Variants in XIRP1 observed in about 807,000 individuals in gnomAD.
XIRP1 encodes xin actin binding repeat containing 1.
For synonymous variants in XIRP1, 984 were observed against 947.0 expected (o/e 1.04, Z -0.72); for missense variants, 2,378 against 2,345.4 (o/e 1.01, Z -0.29).
chr3:39,187,701 T>C lies in XIRP1; in HGVS notation c.1745A>G (p.Gln582Arg), dbSNP rs764664756. 104 of 1,613,946 alleles carry C rather than the reference T, an allele frequency of 6.4e-5. No homozygotes were observed. Among genetic ancestry groups the C allele is most frequent in the Non-Finnish European group, 8.4e-5 (99 of 1,180,044 alleles). Residue 582 changes from glutamine (Q) to arginine (R), a missense_variant, in exon 2 of 2, where the codon CAG becomes CGG. By Grantham distance (43) the Gln-to-Arg change is conservative (BLOSUM62 1). Coordinates refer to ENST00000340369, the MANE Select transcript of XIRP1 (RefSeq NM_194293.4). ...ATCGCCCTTTGGGGGTGCCTCAGGC[T>C]GGGGGTCTCCCTGACTCTTCCCTTC... ...KEEGKSQGDPQPEAPPKGDVQ... is the reference protein window; with the variant it reads ...KEEGKSQGDPRPEAPPKGDVQ...
intron 1 of XIRP1, among the ~76,000 whole-genome samples, chr3:39,190,151 G>A (rs1327406801): frequency 6.6e-6 from 1 of 152,224 alleles, no homozygotes; most frequent in African/African-American, 2.4e-5. Context: ...GATATCTCGT[G>A]CTTAGGCCAG....
In XIRP1 at chr3:39,188,966, A is replaced by G; in HGVS notation, c.480T>C (p.Phe160=). 3 of 1,613,672 alleles carry G rather than the reference A, an allele frequency of 1.9e-6. No homozygotes were observed. Among genetic ancestry groups the G allele is most frequent in the Non-Finnish European group, 2.5e-6 (3 of 1,179,990 alleles). The part of the protein sequence containing the change: ...GGDVRAARWL[F]ETKPLDELTG... Reference sequence around the variant, plus strand: ...TCAGCTCGTCCAGTGGCTTTGTCTCAAATAGCCAGCGGGCTGCACGAACGT... The same window carrying G: ...TCAGCTCGTCCAGTGGCTTTGTCTCGAATAGCCAGCGGGCTGCACGAACGT... The change falls in exon 2 of 2, where the codon TTT becomes TTC. Residue 160 remains phenylalanine, a synonymous_variant. Coordinates refer to ENST00000340369, the MANE Select transcript of XIRP1 (RefSeq NM_194293.4).
At chr3:39,190,643 A>T (rs1258672357) in intron 1 of XIRP1, among the ~76,000 whole-genome samples, 1 of 151,656 alleles carries the variant, frequency 6.6e-6, no homozygotes, top group Non-Finnish European at 1.5e-5. Context: ...CTCCCCGGCT[A>T]CACCCCCGCC....
chr3:39,190,503 A>C (rs934152247), intron 1 of XIRP1, among the ~76,000 whole-genome samples: 4 of 152,082 alleles, frequency 2.6e-5, no homozygotes, highest in Non-Finnish European at 5.9e-5. Context: ...CTTTCTGCAG[A>C]GACAGCCCTG....
rs1259822665 is a variant in XIRP1, at chr3:39,186,512, G to A, written c.2934C>T (p.Pro978=). ...ESIIHVPPLD[P]SMGMGHLRAS... ...CTCTCAGATGCCCCATCCCCATGCTGGGGTCCAGTGGGGGAACATGGATGA... is the reference window on the plus strand; with the variant it reads ...CTCTCAGATGCCCCATCCCCATGCTAGGGTCCAGTGGGGGAACATGGATGA... The change falls in exon 2 of 2, where the codon CCC becomes CCT. Residue 978 remains proline (P), a synonymous_variant. Transcript: ENST00000340369. 6.2e-7 allele frequency: 1 copy of A among 1,613,048 alleles called. No homozygotes were observed. Among genetic ancestry groups the A allele is most frequent in the Admixed American group, 1.7e-5 (1 of 59,972 alleles).
Position 39,186,131 on chromosome 3 carries a change from A to C in XIRP1, c.3315T>G (p.Pro1105=). Residue 1105 remains proline (P), a synonymous_variant, in exon 2 of 2, where the codon CCT becomes CCG. Transcript: ENST00000340369. ...KAGATQSNIR[P]GGGSDPRIPA... ...GGATCCGGGGATCACTTCCACCCCC[A>C]GGCCTTATGTTGCTTTGGGTAGCCC... The C allele has an allele frequency of 6.2e-7, 1 of 1,613,278 alleles. No individual in the cohort carries two copies. The highest frequency in any genetic ancestry group is 8.5e-7 in the Non-Finnish European group (1 of 1,179,530).
rs1170309198 is a variant in XIRP1, at chr3:39,187,495, C to A, written c.1951G>T (p.Val651Phe). The part of the protein sequence containing the change: ...SREQHLQVSQ[V>F]PAGERQTDRH... ...TCTGTCTGTCTTTCCCCAGCCGGGA[C>A]CTGGCTAACCTGCAGGTGCTGCTCC... is the stretch of plus-strand genomic sequence containing the variant. The change falls in exon 2 of 2, where the codon GTC becomes TTC. Residue 651 changes from valine (V) to phenylalanine (F), a missense_variant. Physicochemically the swap from Val to Phe is conservative, Grantham distance 50 (BLOSUM62 -1). Transcript: ENST00000340369. 2 of 1,613,968 alleles carry A rather than the reference C, an allele frequency of 1.2e-6. No individual in the cohort carries two copies. Among genetic ancestry groups the A allele is most frequent in the African/African-American group, 1.3e-5 (1 of 74,942 alleles).
chr3:39,186,468 C>T lies in XIRP1; in HGVS notation c.2978G>A (p.Cys993Tyr), dbSNP rs892535790. ...GHLRASGATP[C>Y]PPQAIGKAVP... is the part of the protein sequence containing the mutation. ...TGCCTTTCCAATGGCCTGAGGAGGGCAAGGGGTGGCCCCTGAGGCTCTCAG... is the reference window on the plus strand; with the variant it reads ...TGCCTTTCCAATGGCCTGAGGAGGGTAAGGGGTGGCCCCTGAGGCTCTCAG... Residue 993 changes from cysteine to tyrosine, a missense_variant, in exon 2 of 2, where the codon TGC becomes TAC. Cys to Tyr is a radical substitution (Grantham distance 194, BLOSUM62 -2). Transcript: ENST00000340369. 6.2e-7 allele frequency: 1 copy of T among 1,613,980 alleles called. No homozygotes were observed. Among genetic ancestry groups the T allele is most frequent in the Non-Finnish European group, 8.5e-7 (1 of 1,180,004 alleles).
chr3:39,185,255 G>A lies in XIRP1; in HGVS notation c.4191C>T (p.Pro1397=). 2 of 1,614,220 alleles carry A rather than the reference G, an allele frequency of 1.2e-6. No homozygotes were observed. Among genetic ancestry groups the A allele is most frequent in the Non-Finnish European group, 1.7e-6 (2 of 1,180,044 alleles). Residue 1397 remains proline (P), a synonymous_variant, in exon 2 of 2, where the codon CCC becomes CCT. Transcript: ENST00000340369. ...TGGTGCTGAGGCCATGTTGTAAGCT[G>A]GGCTGGCTATGTCCACTGGGACATC... The part of the protein sequence containing the change: ...LARCPSGHSQ[P]SLQHGLSTTA...
In XIRP1 at chr3:39,187,438, CCTGAA is replaced by C; in HGVS notation, c.2003_2007del (p.Leu668ArgfsTer64). On this transcript the variant is annotated frameshift_variant, in exon 2 of 2. Coordinates refer to ENST00000340369, the MANE Select transcript of XIRP1 (RefSeq NM_194293.4). LOFTEE classifies it low-confidence loss of function (END_TRUNC). ...CGTCTTCCACAGGGACGGCCTGAGG[CCTGAA>C]GAGGCTCGGTCTCAAAGACGTGTCT... 6.2e-7 allele frequency: 1 copy of C among 1,614,182 alleles called. No individual in the cohort carries two copies.
chr3:39,190,401 A>G (rs74451475), intron 1 of XIRP1, among the ~76,000 whole-genome samples: 2,750 of 152,162 alleles, frequency 0.018, 86 homozygotes, highest in African/African-American at 0.062. Context: ...AAGCTTTCTT[A>G]TTGGCCATAG....
At position 39,186,784 on chromosome 3, in the gene XIRP1, T is replaced by C; in HGVS notation, c.2662A>G (p.Thr888Ala). Residue 888 changes from threonine (T) to alanine (A), a missense_variant, in exon 2 of 2, where the codon ACC becomes GCC. Transcript: ENST00000340369. ...ACCAGCCCAGTCCTTGCCACGGAGG[T>C]CCCAAGACCGCAAGCCAGCAGCTGC... Reference protein sequence around the residue: ...LQQLLACGLGTSVARTGLVMQ... With the variant: ...LQQLLACGLGASVARTGLVMQ... The C allele has an allele frequency of 1.2e-6, 2 of 1,613,768 alleles. No individual in the cohort carries two copies. The highest frequency in any genetic ancestry group is 2.2e-5 in the South Asian group (2 of 91,076).
rs2039968177 is a variant in XIRP1 at position 39,186,208 on chromosome 3, G to C, written c.3238C>G (p.Pro1080Ala). 1 of 1,613,750 alleles carries C rather than the reference G, an allele frequency of 6.2e-7. No homozygotes were observed. The highest frequency in any genetic ancestry group is 1.7e-5 in the Admixed American group (1 of 59,990). ...QQVLNKHKQGPTPTATSNPIQ... is the reference protein window; with the variant it reads ...QQVLNKHKQGATPTATSNPIQ... ...GGGTTGGAAGTGGCTGTTGGGGTGG[G>C]GCCCTGCTTGTGCTTGTTCAGAACT... The change falls in exon 2 of 2, where the codon CCC becomes GCC. Residue 1080 changes from proline to alanine, a missense_variant. Coordinates refer to ENST00000340369, the MANE Select transcript of XIRP1 (RefSeq NM_194293.4).
At position 39,187,997 on chromosome 3, in the gene XIRP1, C is replaced by T. The variant is rs1300011402; in HGVS notation, c.1449G>A (p.Val483=). The T allele has an allele frequency of 6.2e-7, 1 of 1,614,218 alleles. No individual in the cohort carries two copies. Among genetic ancestry groups the T allele is most frequent in the Non-Finnish European group, 8.5e-7 (1 of 1,180,044 alleles). The part of the protein sequence containing the change: ...AGQAQGIGSP[V]YAMQDSKGRL... ...GGCCCTTGCTGTCCTGCATGGCATA[C>T]ACTGGGGACCCTATGCCCTGGGCCT... Residue 483 remains valine (V), a synonymous_variant, in exon 2 of 2, where the codon GTG becomes GTA. Coordinates refer to ENST00000340369, the MANE Select transcript of XIRP1 (RefSeq NM_194293.4).
Position 39,188,424 on chromosome 3 carries a change from T to C in XIRP1, c.1022A>G (p.Asp341Gly). 1 of 1,607,814 alleles carries C rather than the reference T, an allele frequency of 6.2e-7. No individual in the cohort carries two copies. The highest frequency in any genetic ancestry group is 8.5e-7 in the Non-Finnish European group (1 of 1,175,170). ...AAACAGATGCTGCTGCTGCTGAACATCTGGACCAGGTGGGATAAGGTCTGG... is the reference window on the plus strand; with the variant it reads ...AAACAGATGCTGCTGCTGCTGAACACCTGGACCAGGTGGGATAAGGTCTGG... ...PSPDLIPPGPDVQQQQHLFET... is the reference protein window; with the variant it reads ...PSPDLIPPGPGVQQQQHLFET... The change falls in exon 2 of 2, where the codon GAT becomes GGT. Residue 341 changes from aspartate to glycine, a missense_variant. Transcript: ENST00000340369.
chr3:39,187,774 G>A lies in XIRP1; in HGVS notation c.1672C>T (p.Pro558Ser), dbSNP rs781220482. ...GTARWLFETQ[P>S]LEMIHQREQQ... is the part of the protein sequence containing the mutation. ...TCCCGTTGGTGGATCATCTCCAGGG[G>A]CTGGGTCTCAAAAAGCCACCGAGCT... is the stretch of plus-strand genomic sequence containing the variant. The change falls in exon 2 of 2, where the codon CCC (proline) becomes TCC (serine). Residue 558 changes from proline to serine, a missense_variant. Transcript: ENST00000340369. 1.7e-5 allele frequency: 28 copies of A among 1,613,998 alleles called. No homozygotes were observed. In the Admixed American group the frequency reaches 4.7e-4, roughly 27 times the overall value.
At position 39,184,759 on chromosome 3, in the gene XIRP1, T is replaced by C. The variant is rs897249096; in HGVS notation, c.4687A>G (p.Ser1563Gly). 9 of 1,614,140 alleles carry C rather than the reference T, an allele frequency of 5.6e-6. No homozygotes were observed. The highest frequency in any genetic ancestry group is 7.6e-6 in the Non-Finnish European group (9 of 1,180,050). Reference protein sequence around the residue: ...AVHKALSSMSSLQPEASARGH... With the variant: ...AVHKALSSMSGLQPEASARGH... ...CTGGCACTGGCCTCAGGCTGGAGGC[T>C]AGACATGGAGCTGAGTGCCTTGTGC... is the stretch of plus-strand genomic sequence containing the variant. The change falls in exon 2 of 2, where the codon AGC becomes GGC. Residue 1563 changes from serine to glycine, a missense_variant. Transcript: ENST00000340369.
chr3:39,187,944 C>G lies in XIRP1; in HGVS notation c.1502G>C (p.Arg501Thr). 1 of 1,614,216 alleles carries G rather than the reference C, an allele frequency of 6.2e-7. No individual in the cohort carries two copies. Among genetic ancestry groups the G allele is most frequent in the Non-Finnish European group, 8.5e-7 (1 of 1,180,036 alleles). Residue 501 changes from arginine to threonine, a missense_variant, in exon 2 of 2, where the codon AGA becomes ACA. Coordinates refer to ENST00000340369, the MANE Select transcript of XIRP1 (RefSeq NM_194293.4). ...GRLHALTSVS[R>T]EQIVGGDVQG... ...CACATCACCTCCGACTATCTGCTCT[C>G]TGCTAACAGAGGTCAGGGCATGGAG...
Position 39,188,300 on chromosome 3 carries a change from C to T in XIRP1, c.1146G>A (p.Leu382=). The stretch of plus-strand genomic sequence containing the variant: ...CCAGGGGCTTTGTTTCAAATAGCCA[C>T]AGGGTGGAGCGGACATCACCAGGGA... ...EVVPGDVRST[L]WLFETKPLDA... The change falls in exon 2 of 2, where the codon CTG becomes CTA. Residue 382 remains leucine, a synonymous_variant. Transcript: ENST00000340369. 1 of 1,614,112 alleles carries T rather than the reference C, an allele frequency of 6.2e-7. No homozygotes were observed. Among genetic ancestry groups the T allele is most frequent in the Non-Finnish European group, 8.5e-7 (1 of 1,180,012 alleles).
Sources: gnomAD v4.1 joint callset for allele counts (sites outside exome capture counted in the v4.1 genomes callset) on GRCh38, gnomAD v4.1.1 for gene constraint, MANE v1.5 for transcripts, NCBI Gene and HGNC (gene_info 2026-07-23, HGNC 2026-07-21) for gene names.